Variants in TUFT1 observed in about 807,000 individuals in gnomAD.
TUFT1 encodes the protein tuftelin 1.
In TUFT1, 43 loss-of-function variants were observed where a neutral mutation model predicts 57.8. The ratio of observed to expected loss-of-function variants is 0.74; its 90% CI spans 0.58 to 0.96. TUFT1 has a LOEUF of 0.96. Among genes scored for constraint, TUFT1 ranks in the 40% least tolerant of loss-of-function variants. TUFT1 has a pLI of 0.00. For missense variants in TUFT1, 459 were observed against 489.0 expected (o/e 0.94, Z 0.58); for synonymous variants, 166 against 176.7 (o/e 0.94, Z 0.48).
chr1:151,541,669 A>G (rs532910219), intron 1 of TUFT1, among the ~76,000 whole-genome samples: 13 of 152,070 alleles, frequency 8.5e-5, no homozygotes, highest in Admixed American at 2.0e-4. Flanking sequence ...TCCCCTCTCC[A>G]TTTCTGCCTG....
At chr1:151,568,022 A>G (rs1444948684) in intron 6 of TUFT1, among the ~76,000 whole-genome samples, 1 of 152,244 alleles carries the variant, frequency 6.6e-6, no homozygotes, top group African/African-American at 2.4e-5. Context: ...TCTTTCCCCG[A>G]ATGCAAATAT....
chr1:151,582,292 G>A lies in TUFT1; in HGVS notation c.*585G>A, dbSNP rs897497024. ...GAGCCAGTGAACCTAAGCTTTGACT[G>A]GGTGGCCTTGTCTTTCTGGGGAGGA... On this transcript the variant is annotated 3_prime_UTR_variant, in exon 13 of 13. Transcript: ENST00000368849. The A allele has an allele frequency of 3.4e-5, 15 of 445,346 alleles. No individual in the cohort carries two copies. Among genetic ancestry groups the A allele is most frequent in the Non-Finnish European group, 6.3e-5 (14 of 221,274 alleles). 27.6% of individuals were successfully genotyped at this position (445,346 alleles called of 1,614,324 possible). A position where few individuals can be genotyped will look rare whatever the true frequency, so the allele number is the denominator to read the frequency against.
intron 1 of TUFT1, among the ~76,000 whole-genome samples, chr1:151,553,846 C>T (rs1384093356): frequency 6.6e-6 from 1 of 151,946 alleles, no homozygotes; most frequent in Non-Finnish European, 1.5e-5. Context: ...TCATGTTAGT[C>T]ATTCTGATAG....
intron 6 of TUFT1, among the ~76,000 whole-genome samples, chr1:151,567,010 C>T (rs547359385): frequency 9.9e-5 from 15 of 151,690 alleles, no homozygotes; most frequent in Admixed American, 2.6e-4. Flanking sequence ...CCTCGACCCC[C>T]GGGGTTCAAG....
intron 1 of TUFT1, among the ~76,000 whole-genome samples, chr1:151,542,960 A>C (rs577709986): frequency 6.6e-6 from 1 of 152,342 alleles, no homozygotes; most frequent in African/African-American, 2.4e-5. Context: ...TGAGTCAATA[A>C]ATAAATGAAC....
At chr1:151,574,164 G>A (rs1248754507) in intron 7 of TUFT1, 106 bp from the exon 8 acceptor site, 30 of 1,438,332 alleles carry the variant, frequency 2.1e-5, no homozygotes, top group Middle Eastern at 1.9e-4. Context: ...CCTTTCTCCC[G>A]TCATGGCTCC....
intron 6 of TUFT1, among the ~76,000 whole-genome samples, chr1:151,567,526 G>C (rs529959131): frequency 2.5e-4 from 38 of 151,654 alleles, no homozygotes; most frequent in African/African-American, 8.5e-4. Context: ...GAGCTACTAT[G>C]CTTGGCCTCC....
At chr1:151,561,744 G>C in intron 1 of TUFT1, 1 of 1,315,552 alleles carries the variant, frequency 7.6e-7, no homozygotes, top group Non-Finnish European at 9.9e-7. Context: ...TTGAGGATGA[G>C]CAGTCCAGGA....
intron 1 of TUFT1, among the ~76,000 whole-genome samples, chr1:151,561,328 CA>C (rs1665881624): frequency 6.6e-6 from 1 of 151,888 alleles, no homozygotes; most frequent in African/African-American, 2.4e-5. Context: ...GAAGCCCGGG[CA>C]ACATGGCAAA....
chr1:151,546,123 T>A (rs904941216), intron 1 of TUFT1, among the ~76,000 whole-genome samples: 1 of 152,048 alleles, frequency 6.6e-6, no homozygotes, highest in Non-Finnish European at 1.5e-5. Flanking sequence ...TCTCTTTTTC[T>A]TTTTCTTTTT....
intron 3 of TUFT1, among the ~76,000 whole-genome samples, chr1:151,563,507 G>A (rs1232187510): frequency 6.6e-6 from 1 of 152,148 alleles, no homozygotes; most frequent in Non-Finnish European, 1.5e-5. Flanking sequence ...GAGCAATAGG[G>A]TACACCATAC....
At chr1:151,551,593 T>A (rs1665511231) in intron 1 of TUFT1, among the ~76,000 whole-genome samples, 1 of 152,058 alleles carries the variant, frequency 6.6e-6, no homozygotes. Context: ...GAGGAGAGGA[T>A]ACCCCGGTCG....
chr1:151,552,921 A>C (rs994458179), intron 1 of TUFT1, among the ~76,000 whole-genome samples: 2 of 152,086 alleles, frequency 1.3e-5, no homozygotes, highest in Admixed American at 6.5e-5. Flanking sequence ...CTGTGTAGAA[A>C]TATGATTGGA....
At chr1:151,560,817 C>G (rs746556212) in intron 1 of TUFT1, among the ~76,000 whole-genome samples, 1 of 152,210 alleles carries the variant, frequency 6.6e-6, no homozygotes, top group Admixed American at 6.5e-5. Context: ...GCCCCTCATT[C>G]ACTTCCATGC....
intron 1 of TUFT1, chr1:151,540,767 C>G (rs1053881332): frequency 3.8e-5 from 10 of 263,160 alleles, no homozygotes; most frequent in Non-Finnish European, 7.4e-5. Flanking sequence ...TGAGCTCAAG[C>G]GACTGGGTCC....
chr1:151,556,594 T>A (rs915488650), intron 1 of TUFT1, among the ~76,000 whole-genome samples: 1 of 152,046 alleles, frequency 6.6e-6, no homozygotes, highest in African/African-American at 2.4e-5. Flanking sequence ...CATGTTTTTT[T>A]GAAGAGAGGG....
At chr1:151,581,472 C>G (rs1666644227) in intron 12 of TUFT1, among the ~76,000 whole-genome samples, 172 bp from the exon 13 acceptor site, 1 of 152,092 alleles carries the variant, frequency 6.6e-6, no homozygotes, top group African/African-American at 2.4e-5. Flanking sequence ...CCAAATCTTC[C>G]CCTAGTTGTC....
chr1:151,567,693 G>A (rs1666127185), intron 6 of TUFT1, among the ~76,000 whole-genome samples: 1 of 152,078 alleles, frequency 6.6e-6, no homozygotes, highest in African/African-American at 2.4e-5. Flanking sequence ...CTACTGGCGT[G>A]AGCCACCACG....
At chr1:151,553,788 C>T (rs996032902) in intron 1 of TUFT1, among the ~76,000 whole-genome samples, 45 of 152,070 alleles carry the variant, frequency 3.0e-4, no homozygotes, top group African/African-American at 1.0e-3. Flanking sequence ...CTCAGAGTGT[C>T]GGTTGTTCCA....
Sources: allele counts gnomAD v4.1 joint callset (sites outside exome capture counted in the v4.1 genomes callset), GRCh38; gene constraint gnomAD v4.1.1; transcripts MANE v1.5; gene names NCBI Gene and HGNC (gene_info 2026-07-23, HGNC 2026-07-21).